The following TENM2 variants were observed in gnomAD, a reference collection of about 807,000 sequenced individuals.
The protein encoded by TENM2 is teneurin-2.
In TENM2, 52 loss-of-function variants were observed where a neutral mutation model predicts 245.2. That is an observed-to-expected ratio of 0.21 (90% CI 0.17 to 0.27). TENM2 has a LOEUF of 0.27. Among genes scored for constraint, TENM2 ranks in the 10% least tolerant of loss-of-function variants. The pLI, the probability that TENM2 is intolerant of heterozygous loss-of-function variation, is 1.00. For synonymous variants in TENM2, 1,363 were observed against 1,438.9 expected (o/e 0.95, Z 1.19); for missense variants, 3,046 against 3,666.8 (o/e 0.83, Z 4.37).
intron 13 of TENM2, among the ~76,000 whole-genome samples, chr5:168,171,982 C>T (rs536429686): frequency 3.9e-4 from 59 of 152,346 alleles, no homozygotes; most frequent in Admixed American, 2.6e-3. Flanking sequence ...GCAAGGTCCT[C>T]GTGCCATCAC....
the TENM2 span, among the ~76,000 whole-genome samples, chr5:167,108,250 T>A: frequency 6.6e-6 from 1 of 152,198 alleles, no homozygotes; most frequent in East Asian, 1.9e-4. Context: ...CTCAGTGTCC[T>A]GAGTAGCTGG....
intron 2 of TENM2, among the ~76,000 whole-genome samples, chr5:167,460,826 T>C (rs771774900): frequency 1.3e-5 from 2 of 152,188 alleles, no homozygotes; most frequent in Non-Finnish European, 2.9e-5. Flanking sequence ...TTTAAGGGAC[T>C]CCTTTTATTT....
chr5:167,701,020 AT>A, intron 2 of TENM2, among the ~76,000 whole-genome samples: 1 of 150,732 alleles, frequency 6.6e-6, no homozygotes, highest in Middle Eastern at 3.4e-3. Flanking sequence ...ATGTGAATTA[AT>A]TTTCGTTTCA....
chr5:167,173,836 T>C, the TENM2 span, among the ~76,000 whole-genome samples: 1 of 152,106 alleles, frequency 6.6e-6, no homozygotes. Context: ...AATATCGCAA[T>C]GGGAGGTTTT....
chr5:167,318,481 G>T (rs1348143507), intron 1 of TENM2, among the ~76,000 whole-genome samples: 1 of 151,266 alleles, frequency 6.6e-6, no homozygotes. Flanking sequence ...TGAATAAAAC[G>T]AGATAAGTGC....
chr5:167,566,933 G>A (rs1329994517), intron 2 of TENM2, among the ~76,000 whole-genome samples: 1 of 152,172 alleles, frequency 6.6e-6, no homozygotes, highest in East Asian at 1.9e-4. Context: ...AAACAGACAA[G>A]ACAGACTTCT....
intron 2 of TENM2, among the ~76,000 whole-genome samples, chr5:167,598,750 G>A (rs1049149948): frequency 1.4e-5 from 2 of 145,056 alleles, no homozygotes; most frequent in Non-Finnish European, 3.1e-5. Context: ...GTTTGTTTTT[G>A]TTTTTTTTTT....
intron 3 of TENM2, among the ~76,000 whole-genome samples, chr5:167,929,399 T>C (rs925136911): frequency 1.3e-5 from 2 of 152,200 alleles, no homozygotes; most frequent in African/African-American, 2.4e-5. Flanking sequence ...TCTGAGTCTA[T>C]GCAAAAGCAT....
intron 4 of TENM2, among the ~76,000 whole-genome samples, chr5:167,961,894 A>G (rs1781039421): frequency 6.6e-6 from 1 of 152,194 alleles, no homozygotes; most frequent in South Asian, 2.1e-4. Flanking sequence ...TAGTTGTTAC[A>G]TTTACAGGAC....
intron 2 of TENM2, among the ~76,000 whole-genome samples, chr5:167,391,258 A>G (rs1761736251): frequency 2.0e-5 from 3 of 152,132 alleles, no homozygotes; most frequent in Non-Finnish European, 4.4e-5. Flanking sequence ...GAAGTAAATG[A>G]TTTGAGATGA....
chr5:168,225,015 T>C (rs1365173969), intron 23 of TENM2, among the ~76,000 whole-genome samples: 1 of 152,084 alleles, frequency 6.6e-6, no homozygotes, highest in Non-Finnish European at 1.5e-5. Context: ...AGACGACACA[T>C]ATACATAAAG....
intron 2 of TENM2, among the ~76,000 whole-genome samples, chr5:167,458,676 A>G (rs752722939): frequency 6.6e-6 from 1 of 152,192 alleles, no homozygotes; most frequent in Non-Finnish European, 1.5e-5. Context: ...ACAAAATACA[A>G]CACTAACAAC....
chr5:167,585,748 T>C (rs548181375), intron 2 of TENM2, among the ~76,000 whole-genome samples: 1 of 152,282 alleles, frequency 6.6e-6, no homozygotes, highest in East Asian at 1.9e-4. Flanking sequence ...ATTTTTATTT[T>C]AATTATAGTC....
the TENM2 span, among the ~76,000 whole-genome samples, chr5:167,266,490 T>TA: frequency 6.6e-6 from 1 of 152,088 alleles, no homozygotes; most frequent in African/African-American, 2.4e-5. Flanking sequence ...ATATGCTGCT[T>TA]AAAAAAATAG....
intron 2 of TENM2, among the ~76,000 whole-genome samples, chr5:167,787,402 C>T (rs1764656233): frequency 6.6e-6 from 1 of 152,180 alleles, no homozygotes; most frequent in Admixed American, 6.5e-5. Context: ...ATAGAAAGGT[C>T]CAGGCCTGGC....
chr5:168,126,722 G>A, intron 11 of TENM2, 32 bp from the exon 14 acceptor site: 1 of 1,564,732 alleles, frequency 6.4e-7, no homozygotes, highest in Non-Finnish European at 8.7e-7. Context: ...ACCAGCTGTG[G>A]TGTTGAGCTG....
intron 2 of TENM2, among the ~76,000 whole-genome samples, chr5:167,769,940 T>C (rs1399438552): frequency 6.6e-6 from 1 of 152,138 alleles, no homozygotes; most frequent in Non-Finnish European, 1.5e-5. Context: ...ACAGAGTTTG[T>C]TGTTCACTAA....
chr5:168,096,640 A>T (rs1376107313), intron 8 of TENM2, among the ~76,000 whole-genome samples: 1 of 152,162 alleles, frequency 6.6e-6, no homozygotes, highest in African/African-American at 2.4e-5. Flanking sequence ...GTAAATGGGA[A>T]ATCAGGTTTA....
chr5:167,868,202 C>A (rs970925730), intron 2 of TENM2, among the ~76,000 whole-genome samples: 1 of 152,096 alleles, frequency 6.6e-6, no homozygotes, highest in Non-Finnish European at 1.5e-5. Context: ...CCTGTCCCTA[C>A]CCACCAGAAG....
Sources: gnomAD v4.1 joint callset for allele counts (sites outside exome capture counted in the v4.1 genomes callset) on GRCh38, gnomAD v4.1.1 for gene constraint, MANE v1.5 for transcripts, NCBI Gene and HGNC (gene_info 2026-07-23, HGNC 2026-07-21) for gene names.